The following RBPJ variants were observed in gnomAD, a reference collection of about 807,000 sequenced individuals.
RBPJ encodes recombining binding protein suppressor of hairless.
A neutral mutation model predicts 67.8 loss-of-function variants in RBPJ; 9 were observed. That is an observed-to-expected ratio of 0.13 (90% CI 0.08 to 0.23). RBPJ has a LOEUF of 0.23. Ranked by LOEUF, RBPJ falls within the 10% of genes least tolerant of loss-of-function variation. The pLI is 1.00. For synonymous variants in RBPJ, 198 were observed against 203.3 expected (o/e 0.97, Z 0.22); for missense variants, 305 against 595.6 (o/e 0.51, Z 5.08).
intron 1 of RBPJ, among the ~76,000 whole-genome samples, chr4:26,210,724 T>TTCTTTCC (rs1560212093): frequency 8.7e-5 from 7 of 80,360 alleles, no homozygotes; most frequent in East Asian, 5.3e-4. Flanking sequence ...TCCTTCTTTC[T>TTCTTTCC]TTCCTTCTTT....
chr4:26,152,222 C>T, the RBPJ span, among the ~76,000 whole-genome samples: 1 of 152,194 alleles, frequency 6.6e-6, no homozygotes, highest in South Asian at 2.1e-4. Context: ...GGCTATGGGA[C>T]TTGTGTTGGC....
chr4:26,280,648 G>A (rs1721245772), intron 1 of RBPJ, among the ~76,000 whole-genome samples: 1 of 152,096 alleles, frequency 6.6e-6, no homozygotes, highest in Non-Finnish European at 1.5e-5. Context: ...AAGAGTGATG[G>A]TTGCACCTTG....
chr4:26,226,511 T>C (rs569833104), intron 1 of RBPJ, among the ~76,000 whole-genome samples: 62 of 152,046 alleles, frequency 4.1e-4, no homozygotes, highest in Admixed American at 1.2e-3. Context: ...GCAGTGAAAA[T>C]TGGGGATGGG....
At chr4:26,427,121 C>T (rs553855367) in intron 7 of RBPJ, among the ~76,000 whole-genome samples, 2 of 152,122 alleles carry the variant, frequency 1.3e-5, no homozygotes, top group East Asian at 3.9e-4. Context: ...CTATCTTAGA[C>T]CCAGGATCAT....
the RBPJ span, among the ~76,000 whole-genome samples, chr4:26,147,301 T>C: frequency 6.6e-6 from 1 of 152,178 alleles, no homozygotes; most frequent in African/African-American, 2.4e-5. Context: ...CAGAGACAAT[T>C]CCTAAAACCA....
chr4:26,319,154 C>T (rs1722778918), upstream of RBPJ, among the ~76,000 whole-genome samples: 1 of 151,920 alleles, frequency 6.6e-6, no homozygotes, highest in African/African-American at 2.4e-5. Context: ...CTCCCGGAGG[C>T]GGGGGGCGCG....
chr4:26,170,542 T>TG (rs1716539012), intron 1 of RBPJ, among the ~76,000 whole-genome samples: 1 of 125,724 alleles, frequency 8.0e-6, no homozygotes, highest in East Asian at 2.3e-4. Flanking sequence ...AGGCCCTGTC[T>TG]AAAAAAAAAA....
the RBPJ span, among the ~76,000 whole-genome samples, chr4:26,131,523 T>G: frequency 6.6e-6 from 1 of 152,178 alleles, no homozygotes; most frequent in South Asian, 2.1e-4. Flanking sequence ...ATAGGCTAAA[T>G]AGTGACCCCA....
chr4:26,250,992 G>A (rs1228125081), intron 1 of RBPJ, among the ~76,000 whole-genome samples: 1 of 152,180 alleles, frequency 6.6e-6, no homozygotes, highest in Non-Finnish European at 1.5e-5. Flanking sequence ...GGAGTTTGAG[G>A]ACACCTAGGG....
In RBPJ at chr4:26,430,451, A is replaced by G; in HGVS notation, c.1077A>G (p.Glu359=). The change falls in exon 10 of 11, where the codon GAA becomes GAG. Residue 359 remains glutamate (E), a synonymous_variant. Coordinates refer to ENST00000355476, the MANE Select transcript of RBPJ (RefSeq NM_015874.6). This position sits in a 1 kb window ranked among gnomAD's most constrained non-coding sequence, Gnocchi z 4.1. ...LNGGGDVAML[E]LTGQNFTPNL... ...GCGGTGGGGACGTAGCAATGCTTGAACTTACAGGACAGAATTTCACTCCAA... is the reference window on the plus strand; with the variant it reads ...GCGGTGGGGACGTAGCAATGCTTGAGCTTACAGGACAGAATTTCACTCCAA... The G allele has an allele frequency of 6.2e-7, 1 of 1,611,928 alleles. No individual in the cohort carries two copies. Among genetic ancestry groups the G allele is most frequent in the Non-Finnish European group, 8.5e-7 (1 of 1,179,432 alleles).
At chr4:26,320,529 GA>G (rs1283228833), upstream of RBPJ, 5 of 506,684 alleles carry the variant, frequency 9.9e-6, no homozygotes, top group East Asian at 1.6e-4. Context: ...AAATAGCTGG[GA>G]ACCCAGAGTG....
At chr4:26,347,556 A>T (rs778899583) in intron 1 of RBPJ, among the ~76,000 whole-genome samples, 1 of 152,230 alleles carries the variant, frequency 6.6e-6, no homozygotes, top group Non-Finnish European at 1.5e-5. Context: ...TTAGGATTTC[A>T]GAGACCCTGG....
intron 1 of RBPJ, chr4:26,362,324 C>T: frequency 7.8e-6 from 3 of 384,276 alleles, no homozygotes; most frequent in Non-Finnish European, 1.4e-5. Flanking sequence ...TTAAAAATGA[C>T]AGTGTTACAC....
chr4:26,416,259 C>CT (rs778141248), intron 4 of RBPJ, among the ~76,000 whole-genome samples: 22 of 151,658 alleles, frequency 1.5e-4, no homozygotes, highest in East Asian at 7.7e-4. Context: ...CAATCTAGAT[C>CT]TTTTTTTTTC....
intron 1 of RBPJ, among the ~76,000 whole-genome samples, chr4:26,304,642 TG>T (rs1394504401): frequency 6.6e-6 from 1 of 152,246 alleles, no homozygotes; most frequent in Non-Finnish European, 1.5e-5. Flanking sequence ...TGCACATCTT[TG>T]GAGAAATATG....
At chr4:26,267,754 C>T (rs924760212) in intron 1 of RBPJ, among the ~76,000 whole-genome samples, 26 of 152,136 alleles carry the variant, frequency 1.7e-4, no homozygotes, top group African/African-American at 5.8e-4. Context: ...ACTACAGGCA[C>T]GCACCACCAC....
At chr4:26,218,322 A>G (rs1266166243) in intron 1 of RBPJ, among the ~76,000 whole-genome samples, 2 of 152,216 alleles carry the variant, frequency 1.3e-5, no homozygotes, top group South Asian at 2.1e-4. Context: ...AGATGACTAT[A>G]AAGACAGAAG....
At chr4:26,319,472 C>CCCCGCCCGCG (rs1414987324), upstream of RBPJ, among the ~76,000 whole-genome samples, 4 of 151,076 alleles carry the variant, frequency 2.6e-5, no homozygotes, top group African/African-American at 7.3e-5. Flanking sequence ...TCCCTTCCCA[C>CCCCGCCCGCG]CCCGCCCGCG....
intron 3 of RBPJ, among the ~76,000 whole-genome samples, chr4:26,407,164 G>A (rs748533930): frequency 6.6e-6 from 1 of 152,180 alleles, no homozygotes; most frequent in Non-Finnish European, 1.5e-5. Flanking sequence ...GGTGGAAAAT[G>A]TAGTTTTTTA....
Sources: gnomAD v4.1 joint callset for allele counts (sites outside exome capture counted in the v4.1 genomes callset) on GRCh38, gnomAD v4.1.1 for gene constraint, Gnocchi (gnomAD v3.1) non-coding constraint, MANE v1.5 for transcripts, NCBI Gene and HGNC (gene_info 2026-07-23, HGNC 2026-07-21) for gene names.